Variants in NCAM1 observed in about 807,000 individuals in gnomAD.
NCAM1 encodes neural cell adhesion molecule 1.
NCAM1 carries 14 observed loss-of-function variants against 109.8 expected under a neutral mutation model. That is an observed-to-expected ratio of 0.13 (90% CI 0.08 to 0.20). NCAM1 has a LOEUF of 0.20. NCAM1 is among the 10% of genes least tolerant of loss of function. NCAM1 has a pLI of 1.00. For missense variants in NCAM1, 774 were observed against 1,109.9 expected, an observed-to-expected ratio of 0.70 and a Z score of 4.30; for synonymous variants, 418 against 442.9, an observed-to-expected ratio of 0.94 and a Z score of 0.70.
chr11:113,174,610 A>C (rs1003174221), intron 1 of NCAM1, among the ~76,000 whole-genome samples: 1 of 152,228 alleles, frequency 6.6e-6, no homozygotes, highest in African/African-American at 2.4e-5. Flanking sequence ...TACCTGGCTC[A>C]TCTGACCACC....
chr11:113,209,454 A>G (rs1407692710), intron 7 of NCAM1, among the ~76,000 whole-genome samples: 3 of 152,180 alleles, frequency 2.0e-5, no homozygotes, highest in Admixed American at 1.3e-4. Context: ...CCCAATCACT[A>G]TGGTTTTAGT....
intron 1 of NCAM1, among the ~76,000 whole-genome samples, chr11:113,087,860 G>A (rs574159506): frequency 1.3e-5 from 2 of 152,306 alleles, no homozygotes; most frequent in Admixed American, 1.3e-4. Context: ...AGGCATTATA[G>A]AGGTCAGAGG....
At chr11:113,066,816 C>A (rs190889857) in intron 1 of NCAM1, among the ~76,000 whole-genome samples, 1 of 151,680 alleles carries the variant, frequency 6.6e-6, no homozygotes, top group African/African-American at 2.4e-5. Context: ...CTGGCTAACA[C>A]GGTGAAACCC....
At chr11:113,200,299 A>T (rs1944010319) in intron 1 of NCAM1, among the ~76,000 whole-genome samples, 1 of 152,154 alleles carries the variant, frequency 6.6e-6, no homozygotes, top group African/African-American at 2.4e-5. Context: ...GAGCCACGGG[A>T]AGTGACAGGG....
intron 17 of NCAM1, chr11:113,264,084 G>A (rs1331913818): frequency 1.0e-6 from 1 of 985,224 alleles, no homozygotes; most frequent in Non-Finnish European, 1.2e-6. Context: ...GCTGAATCCT[G>A]CTTGGTAATA....
intron 1 of NCAM1, among the ~76,000 whole-genome samples, chr11:112,979,044 C>T (rs17583177): frequency 0.05 from 7,552 of 151,614 alleles, 286 homozygotes; most frequent in Non-Finnish European, 0.073. Context: ...GATTTTATTT[C>T]GATTTTATTT....
At chr11:113,068,381 A>G (rs1555084620) in intron 1 of NCAM1, among the ~76,000 whole-genome samples, 1 of 152,174 alleles carries the variant, frequency 6.6e-6, no homozygotes, top group Non-Finnish European at 1.5e-5. Context: ...CTAATAACAG[A>G]TGACCATAAG....
At chr11:113,208,115 C>T (rs1398440341) in intron 7 of NCAM1, 113 bp downstream of exon 7, 5 of 1,220,968 alleles carry the variant, frequency 4.1e-6, no homozygotes, top group Non-Finnish European at 5.7e-6. Flanking sequence ...CCCAATGCAA[C>T]CATTTCTTGC....
At position 113,153,321 on chromosome 11, in the gene NCAM1, G is replaced by A. The variant is rs562869726; in HGVS notation, c.53-49058G>A. Reference sequence around the variant, plus strand: ...CTCCCAAAGTGTTGGGATTACAGGCGTGAGCCACCACGGTCAGCAGCAATG... The same window carrying A: ...CTCCCAAAGTGTTGGGATTACAGGCATGAGCCACCACGGTCAGCAGCAATG... On this transcript the variant is annotated intron_variant, in intron 1 of 19. Transcript: ENST00000316851. Among the ~76,000 whole-genome samples, 35 of 152,296 alleles carry A rather than the reference G, an allele frequency of 2.3e-4. No individual in the cohort carries two copies. In the South Asian group the frequency reaches 5.2e-3, roughly 23 times the overall value.
chr11:112,966,218 T>A (rs1555065334), intron 1 of NCAM1, among the ~76,000 whole-genome samples: 1 of 152,210 alleles, frequency 6.6e-6, no homozygotes, highest in African/African-American at 2.4e-5. Context: ...ATTGAAAACA[T>A]TAATCACGTG....
Position 113,221,308 on chromosome 11 carries a change from C to T in NCAM1, c.1072C>T (p.Arg358Ter). The change falls in exon 9 of 20, where the codon CGA becomes TGA. Residue 358 changes from arginine to a stop codon, truncating the protein, a stop_gained. Transcript: ENST00000316851. LOFTEE classifies it high-confidence loss of function. Reference protein sequence around the residue: ...ISSEEKASWTRPEKQETLDGH... With the variant: ...ISSEEKASWT ...TTGTTTTCTCCAGGCTTCGTGGACT[C>T]GACCAGAGAAGCAAGAGGTATAGCT... 1.9e-6 allele frequency: 3 copies of T among 1,566,352 alleles called. No individual in the cohort carries two copies. The highest frequency in any genetic ancestry group is 2.3e-5 in the East Asian group (1 of 43,006).
At position 113,202,563 on chromosome 11, in the gene NCAM1, C is replaced by T. The variant is rs528313460; in HGVS notation, c.127+110C>T. 13 of 912,912 alleles carry T rather than the reference C, an allele frequency of 1.4e-5. No individual in the cohort carries two copies. The Middle Eastern group carries it at 7.6e-4, about 53-fold the overall frequency. 56.6% of individuals were successfully genotyped at this position (912,912 alleles called of 1,614,324 possible). A position where few individuals can be genotyped will look rare whatever the true frequency, so the allele number is the denominator to read the frequency against. On this transcript the variant is annotated intron_variant, in intron 2 of 19. Transcript: ENST00000316851. ...GGCTGGTCAAGCCACACCTAGAATT[C>T]TTGGCATTGCTCTATTACAGGGTCA...
At position 112,963,012 on chromosome 11, in the gene NCAM1, T is replaced by G. The variant is rs1950613272; in HGVS notation, c.52+1348T>G. 6.6e-6 allele frequency among the ~76,000 whole-genome samples: 1 copy of G among 151,976 alleles called. No individual in the cohort carries two copies. The highest frequency in any genetic ancestry group is 6.5e-5 in the Admixed American group (1 of 15,274). ...ACGGGGCGGGCCAGGGAGCACCCAG[T>G]GCGCCCCCTCCGCGGGCGGCACAAG... is the stretch of plus-strand genomic sequence containing the variant. On this transcript the variant is annotated intron_variant, in intron 1 of 19. Transcript: ENST00000316851. The surrounding 1 kb of genome is among the most constrained non-coding windows in gnomAD (Gnocchi z 4.6).
intron 1 of NCAM1, among the ~76,000 whole-genome samples, chr11:113,063,510 G>A (rs563845321): frequency 6.6e-6 from 1 of 152,314 alleles, no homozygotes; most frequent in South Asian, 2.1e-4. Context: ...TTAGCATCCA[G>A]TGTTACTCAT....
At chr11:113,115,223 C>A (rs970265149) in intron 1 of NCAM1, among the ~76,000 whole-genome samples, 1 of 152,066 alleles carries the variant, frequency 6.6e-6, no homozygotes, top group South Asian at 2.1e-4. Flanking sequence ...GTTACTTTAA[C>A]CCAGATGTCC....
intron 1 of NCAM1, among the ~76,000 whole-genome samples, chr11:112,987,325 C>T (rs1951334805): frequency 6.6e-6 from 1 of 152,048 alleles, no homozygotes; most frequent in South Asian, 2.1e-4. Flanking sequence ...ATGGTCTGTC[C>T]TGGAGATTGT....
At chr11:112,989,612 G>C (rs1951404753) in intron 1 of NCAM1, among the ~76,000 whole-genome samples, 1 of 152,054 alleles carries the variant, frequency 6.6e-6, no homozygotes, top group African/African-American at 2.4e-5. Context: ...GCAGTTATTA[G>C]ATCTCCATTT....
At chr11:113,009,341 T>TTTTTA (rs1951982580) in intron 1 of NCAM1, among the ~76,000 whole-genome samples, 2 of 129,058 alleles carry the variant, frequency 1.5e-5, no homozygotes, top group South Asian at 2.4e-4. Context: ...TTTTTTTTTT[T>TTTTTA]ATTGAGATGG....
chr11:113,216,443 C>T (rs560717103), intron 8 of NCAM1, among the ~76,000 whole-genome samples: 1 of 152,230 alleles, frequency 6.6e-6, no homozygotes, highest in African/African-American at 2.4e-5. Flanking sequence ...TGAGCCACCG[C>T]GCCCGGCCGA....
Sources: gnomAD v4.1 joint callset for allele counts (sites outside exome capture counted in the v4.1 genomes callset) on GRCh38, gnomAD v4.1.1 for gene constraint, Gnocchi (gnomAD v3.1) non-coding constraint, MANE v1.5 for transcripts, NCBI Gene and HGNC (gene_info 2026-07-23, HGNC 2026-07-21) for gene names.